The following CNTN5 variants were observed in gnomAD, a reference collection of about 807,000 sequenced individuals.
CNTN5 encodes contactin-5.
Under a neutral mutation model 129.1 loss-of-function variants are expected in CNTN5, and 77 were observed. That is an observed-to-expected ratio of 0.60 (90% CI 0.50 to 0.72). The LOEUF (loss-of-function observed/expected upper bound fraction) is 0.72. CNTN5 is among the 30% of genes least tolerant of loss of function. The pLI is 0.00. For missense variants in CNTN5, 1,478 were observed against 1,328.8 expected (o/e 1.11, Z -1.75); for synonymous variants, 509 against 465.6 (o/e 1.09, Z -1.20).
intron 15 of CNTN5, among the ~76,000 whole-genome samples, chr11:100,215,804 C>T (rs1326271350): frequency 6.6e-6 from 1 of 151,960 alleles, no homozygotes; most frequent in Non-Finnish European, 1.5e-5. Flanking sequence ...AGGGCAGGGG[C>T]AGAATCAATG....
intron 13 of CNTN5, among the ~76,000 whole-genome samples, chr11:100,093,307 C>T (rs1041931217): frequency 6.6e-6 from 1 of 152,124 alleles, no homozygotes; most frequent in Non-Finnish European, 1.5e-5. Flanking sequence ...GTCACCCAGG[C>T]TGGAGTGCAG....
chr11:99,074,591 C>G (rs1865484169), intron 1 of CNTN5, among the ~76,000 whole-genome samples: 1 of 152,138 alleles, frequency 6.6e-6, no homozygotes, highest in Admixed American at 6.6e-5. Context: ...TAAACTTCAG[C>G]CTCCCAAATT....
Position 99,585,490 on chromosome 11 carries a change from T to A in CNTN5, c.55+29221T>A, listed in dbSNP as rs140684892. On this transcript the variant is annotated intron_variant, in intron 3 of 24. Transcript: ENST00000524871. ...TACATTTTGTCTTGAAAAATATGGT[T>A]ATTTAAAAAAATATATATATTTAGG... Among the ~76,000 whole-genome samples, 24 of 152,252 alleles carry A rather than the reference T, an allele frequency of 1.6e-4. 1 individual carries two copies. The East Asian group carries it at 4.4e-3, about 28-fold the overall frequency.
chr11:99,162,356 T>A (rs1860660510), intron 1 of CNTN5, among the ~76,000 whole-genome samples: 1 of 152,092 alleles, frequency 6.6e-6, no homozygotes, highest in Non-Finnish European at 1.5e-5. Flanking sequence ...TTGCTTCGCT[T>A]TTAGATGAAC....
intron 2 of CNTN5, among the ~76,000 whole-genome samples, chr11:99,339,379 G>T (rs546151903): frequency 2.4e-4 from 37 of 152,162 alleles, no homozygotes; most frequent in African/African-American, 7.9e-4. Flanking sequence ...TTTTCTGGGA[G>T]ATTCTGGAAG....
At chr11:100,058,636 C>T (rs1218538427) in intron 9 of CNTN5, among the ~76,000 whole-genome samples, 1 of 152,066 alleles carries the variant, frequency 6.6e-6, no homozygotes, top group Admixed American at 6.6e-5. Flanking sequence ...CTTCATCCAG[C>T]AACTTCAATT....
chr11:100,292,111 A>C (rs80333691), intron 18 of CNTN5, among the ~76,000 whole-genome samples: 6,530 of 152,028 alleles, frequency 0.043, 444 homozygotes, highest in African/African-American at 0.15. Flanking sequence ...ACCTGACCCA[A>C]CAGCTATGAT....
At chr11:100,031,253 T>C (rs1941693207) in intron 9 of CNTN5, among the ~76,000 whole-genome samples, 1 of 152,182 alleles carries the variant, frequency 6.6e-6, no homozygotes. Context: ...CTGATTATTG[T>C]AAATACAAAG....
intron 3 of CNTN5, among the ~76,000 whole-genome samples, chr11:99,773,546 A>G (rs1945015628): frequency 6.6e-6 from 1 of 152,090 alleles, no homozygotes; most frequent in Non-Finnish European, 1.5e-5. Context: ...TTTTTGAAGA[A>G]TTTTTATTGA....
intron 1 of CNTN5, among the ~76,000 whole-genome samples, chr11:99,119,174 C>T (rs917988777): frequency 6.6e-6 from 1 of 151,850 alleles, no homozygotes; most frequent in Non-Finnish European, 1.5e-5. Context: ...TTCAGTGGTA[C>T]ATGTGCAGAG....
chr11:99,113,031 C>T lies in CNTN5; in HGVS notation c.-210+91761C>T, dbSNP rs117421736. 1.9e-4 allele frequency among the ~76,000 whole-genome samples: 29 copies of T among 152,032 alleles called. 2 individuals carry two copies. The East Asian group carries it at 5.2e-3, about 27-fold the overall frequency. On this transcript the variant is annotated intron_variant, in intron 1 of 24. Transcript: ENST00000524871. ...TCTAAACTTTGCCTCAATAGTCATA[C>T]GAAAGGCAACCGTATTAATGGATAG...
chr11:99,315,222 G>A (rs773788716), intron 1 of CNTN5, among the ~76,000 whole-genome samples: 10 of 144,310 alleles, frequency 6.9e-5, no homozygotes, highest in Non-Finnish European at 1.3e-4. Flanking sequence ...TGAACTATCA[G>A]ATAATGATTT....
intron 1 of CNTN5, among the ~76,000 whole-genome samples, chr11:99,112,018 TAA>T (rs1426097818): frequency 6.6e-6 from 1 of 152,026 alleles, no homozygotes; most frequent in African/African-American, 2.4e-5. Context: ...CTCCCACAAA[TAA>T]GTCATCAAAA....
At chr11:99,621,108 T>C (rs1013831281) in intron 3 of CNTN5, among the ~76,000 whole-genome samples, 1 of 152,102 alleles carries the variant, frequency 6.6e-6, no homozygotes, top group Admixed American at 6.5e-5. Context: ...AGATACTTAT[T>C]GTAAGGGCCC....
chr11:99,072,543 A>C (rs1865381781), intron 1 of CNTN5, among the ~76,000 whole-genome samples: 1 of 152,100 alleles, frequency 6.6e-6, no homozygotes, highest in Admixed American at 6.6e-5. Context: ...ATTTGTAATT[A>C]CAACTGAGGT....
At chr11:99,245,878 C>T (rs1291876483) in intron 1 of CNTN5, among the ~76,000 whole-genome samples, 5 of 152,082 alleles carry the variant, frequency 3.3e-5, no homozygotes, top group African/African-American at 4.8e-5. Flanking sequence ...AGTAGCGTCC[C>T]TCAAGTTGTG....
At chr11:99,719,656 C>T (rs1243125686) in intron 3 of CNTN5, among the ~76,000 whole-genome samples, 4 of 151,848 alleles carry the variant, frequency 2.6e-5, no homozygotes, top group African/African-American at 9.7e-5. Context: ...AACAAATCAA[C>T]CTCAAAGCTA....
intron 6 of CNTN5, among the ~76,000 whole-genome samples, chr11:99,845,807 C>A (rs1947674886): frequency 6.6e-6 from 1 of 151,870 alleles, no homozygotes; most frequent in South Asian, 2.1e-4. Flanking sequence ...ATTTTGAAAC[C>A]CACCACTTTT....
intron 7 of CNTN5, among the ~76,000 whole-genome samples, chr11:99,943,040 T>C (rs1950475677): frequency 6.6e-6 from 1 of 152,010 alleles, no homozygotes; most frequent in South Asian, 2.1e-4. Flanking sequence ...AGTAGAATGA[T>C]TTATAAATCC....
Sources: gnomAD v4.1 joint callset for allele counts (sites outside exome capture counted in the v4.1 genomes callset) on GRCh38, gnomAD v4.1.1 for gene constraint, MANE v1.5 for transcripts, NCBI Gene and HGNC (gene_info 2026-07-23, HGNC 2026-07-21) for gene names.